GLDC: variants seen among roughly 807,000 people sequenced by gnomAD.
GLDC encodes glycine dehydrogenase (decarboxylating), mitochondrial.
GLDC carries 104 observed loss-of-function variants against 121.3 expected under a neutral mutation model. The observed-to-expected ratio is 0.86, with a 90% CI of 0.73 to 1.01. The LOEUF (loss-of-function observed/expected upper bound fraction) is 1.01, where lower values mean the gene tolerates loss of function less well. Among genes scored for constraint, GLDC ranks in the 50% least tolerant of loss-of-function variants. GLDC has a pLI of 0.00. For missense variants in GLDC, 1,429 were observed against 1,306.6 expected (o/e 1.09, Z -1.44); for synonymous variants, 546 against 480.6 (o/e 1.14, Z -1.78).
At chr9:6,639,041 C>G (rs1819571176) in intron 2 of GLDC, 5 of 595,340 alleles carry the variant, frequency 8.4e-6, no homozygotes, top group Non-Finnish European at 1.5e-5. Context: ...CTCAGAGTGT[C>G]TTTCAATAGT....
At chr9:6,541,835 A>AAAAAAAAAAAAAG (rs1817269577) in intron 21 of GLDC, 1 of 151,258 alleles carries the variant, frequency 6.6e-6, no homozygotes, top group Non-Finnish European at 1.5e-5. Context: ...TCAAAAAAAA[A>AAAAAAAAAAAAAG]AAAGAAGTGG....
chr9:6,611,512 C>A (rs561624350), intron 3 of GLDC, among the ~76,000 whole-genome samples: 1 of 150,536 alleles, frequency 6.6e-6, no homozygotes, highest in Non-Finnish European at 1.5e-5. Flanking sequence ...GCTGAGATCA[C>A]GCCACTGTAC....
intron 3 of GLDC, among the ~76,000 whole-genome samples, chr9:6,613,353 G>A (rs549032403): frequency 7.9e-5 from 12 of 152,066 alleles, no homozygotes; most frequent in East Asian, 1.9e-4. Flanking sequence ...CTGGCCAGGC[G>A]TGGAGGCTCA....
At chr9:6,549,860 G>T (rs913427749) in intron 21 of GLDC, among the ~76,000 whole-genome samples, 2 of 152,060 alleles carry the variant, frequency 1.3e-5, no homozygotes, top group Non-Finnish European at 2.9e-5. Flanking sequence ...GATTGTAACG[G>T]TCTCTTCATG....
intron 7 of GLDC, among the ~76,000 whole-genome samples, chr9:6,603,126 G>A (rs879799268): frequency 4.6e-5 from 7 of 151,954 alleles, no homozygotes; most frequent in African/African-American, 7.3e-5. Flanking sequence ...TACTTGGGAG[G>A]CTGAGGCTCA....
chr9:6,629,614 C>T (rs565122008), intron 2 of GLDC, among the ~76,000 whole-genome samples: 2 of 151,522 alleles, frequency 1.3e-5, no homozygotes, highest in Non-Finnish European at 2.9e-5. Context: ...CAACTAAACA[C>T]ACACACACAC....
intron 6 of GLDC, 39 bp downstream of exon 6, chr9:6,605,092 T>C (rs1047256687): frequency 3.8e-6 from 6 of 1,581,526 alleles, no homozygotes; most frequent in Non-Finnish European, 5.2e-6. Flanking sequence ...CAAGTTGGGA[T>C]ACGCCTCCAC....
intron 15 of GLDC, among the ~76,000 whole-genome samples, chr9:6,585,303 A>C (rs905262595): frequency 2.0e-5 from 3 of 152,226 alleles, no homozygotes; most frequent in Non-Finnish European, 4.4e-5. Context: ...GACAGTGAAA[A>C]TGTGATTATA....
intron 17 of GLDC, among the ~76,000 whole-genome samples, 189 bp from the exon 18 acceptor site, chr9:6,556,491 C>T (rs1415537937): frequency 6.6e-6 from 1 of 152,054 alleles, no homozygotes; most frequent in African/African-American, 2.4e-5. Context: ...CAAATCATTC[C>T]AAAGAAATAA....
chr9:6,593,268 G>GATATATATATATATATATATATAT (rs34438524), intron 9 of GLDC, among the ~76,000 whole-genome samples: 161 of 143,832 alleles, frequency 1.1e-3, no homozygotes, highest in African/African-American at 3.9e-3. Flanking sequence ...GGTAGTATCA[G>GATATATATATATATATATATATAT]ATATATATAT....
At chr9:6,575,221 A>T (rs2129791794) in intron 15 of GLDC, among the ~76,000 whole-genome samples, 1 of 151,970 alleles carries the variant, frequency 6.6e-6, no homozygotes, top group Middle Eastern at 3.4e-3. Flanking sequence ...AAGCAAAAAA[A>T]AAAAAAACAA....
chr9:6,591,369 T>C (rs1193294634), intron 11 of GLDC, among the ~76,000 whole-genome samples: 2 of 152,186 alleles, frequency 1.3e-5, no homozygotes, highest in Non-Finnish European at 2.9e-5. Context: ...ACCTGGATTC[T>C]AATCTTAAGC....
At chr9:6,575,753 GTTAA>G (rs1818052736) in intron 15 of GLDC, among the ~76,000 whole-genome samples, 1 of 152,186 alleles carries the variant, frequency 6.6e-6, no homozygotes, top group African/African-American at 2.4e-5. Context: ...CATGGGAGGT[GTTAA>G]TTACTCTTTC....
At chr9:6,630,724 A>G (rs1161979934) in intron 2 of GLDC, among the ~76,000 whole-genome samples, 1 of 152,156 alleles carries the variant, frequency 6.6e-6, no homozygotes, top group Non-Finnish European at 1.5e-5. Flanking sequence ...GTCAATCAAG[A>G]TAAACAGACC....
chr9:6,616,121 C>CCA (rs1450828128), intron 3 of GLDC, among the ~76,000 whole-genome samples: 1 of 152,154 alleles, frequency 6.6e-6, no homozygotes, highest in Non-Finnish European at 1.5e-5. Flanking sequence ...TTTCAATGAC[C>CCA]CATTGGCTCT....
Position 6,553,484 on chromosome 9 carries a change from G to A in GLDC, c.2341C>T (p.Pro781Ser), listed in dbSNP as rs868055130. The stretch of plus-strand genomic sequence containing the variant: ...TTTAGTGAAATGACGGGATGATTGG[G>A]CAAAAACGGGGCGAGATGTTTCTTC... Reference protein sequence around the residue: ...GVKKHLAPFLPNHPVISLKRN... With the variant: ...GVKKHLAPFLSNHPVISLKRN... The change falls in exon 20 of 25, where the codon CCC becomes TCC. Residue 781 changes from proline (P) to serine (S), a missense_variant. Physicochemically the swap from Pro to Ser is moderately conservative, Grantham distance 74. Transcript: ENST00000321612. 3 of 1,613,580 alleles carry A rather than the reference G, an allele frequency of 1.9e-6. No individual in the cohort carries two copies. Among genetic ancestry groups the A allele is most frequent in the Middle Eastern group, 1.7e-4 (1 of 6,060 alleles).
chr9:6,581,384 C>G (rs1379915652), intron 15 of GLDC, among the ~76,000 whole-genome samples: 1 of 152,216 alleles, frequency 6.6e-6, no homozygotes, highest in African/African-American at 2.4e-5. Context: ...CTCTGTACTT[C>G]TCCACTGTGC....
At chr9:6,644,029 C>CAAAAAAAAAAAAAAAAAAAAAAAAAAAA (rs531081758) in intron 2 of GLDC, among the ~76,000 whole-genome samples, 2 of 18,334 alleles carry the variant, frequency 1.1e-4, no homozygotes, top group Non-Finnish European at 2.0e-4. Context: ...GATTCTGTCT[C>CAAAAAAAAAAAAAAAAAAAAAAAAAAAA]AAAAAAAAAA....
intron 15 of GLDC, among the ~76,000 whole-genome samples, chr9:6,566,087 C>A (rs908982871): frequency 6.6e-6 from 1 of 152,020 alleles, no homozygotes; most frequent in African/African-American, 2.4e-5. Context: ...ACTAAAAGTA[C>A]AAAAAATTAG....
Sources: gnomAD v4.1 joint callset for allele counts (sites outside exome capture counted in the v4.1 genomes callset) on GRCh38, gnomAD v4.1.1 for gene constraint, MANE v1.5 for transcripts, NCBI Gene and HGNC (gene_info 2026-07-23, HGNC 2026-07-21) for gene names.